CADM1: variants seen among roughly 807,000 people sequenced by gnomAD.
CADM1 encodes cell adhesion molecule 1, also known as TSLC-1.
A neutral mutation model predicts 53.1 loss-of-function variants in CADM1; 15 were observed. That is an observed-to-expected ratio of 0.28 (90% confidence interval 0.19 to 0.44). The LOEUF (loss-of-function observed/expected upper bound fraction) is 0.44. Among genes scored for constraint, CADM1 ranks in the 20% least tolerant of loss-of-function variants. The pLI, the probability that CADM1 is intolerant of heterozygous loss-of-function variation, is 1.00. For synonymous variants in CADM1, 281 were observed against 243.0 expected (o/e 1.16, Z -1.45); for missense variants, 434 against 611.3 (o/e 0.71, Z 3.06).
In CADM1 at chr11:115,260,657, T is replaced by A. The variant is rs898901126; in HGVS notation, c.125-20237A>T. On this transcript the variant is annotated intron_variant, in intron 1 of 11. Transcript: ENST00000331581. ...GAAAAAGATTCCTAAGTGCTTTTTT[T>A]AAATTTTTATTTATTTATTTTATTT... 4.6e-5 allele frequency among the ~76,000 whole-genome samples: 7 copies of A among 152,168 alleles called. No individual in the cohort carries two copies. In the East Asian group the frequency reaches 5.8e-4, roughly 13 times the overall value.
Position 115,190,869 on chromosome 11 carries a change from C to A in CADM1, c.1165+19G>T, listed in dbSNP as rs754588526. The A allele has an allele frequency of 6.3e-7, 1 of 1,590,040 alleles. No individual in the cohort carries two copies. Among genetic ancestry groups the A allele is most frequent in the Admixed American group, 1.7e-5 (1 of 59,312 alleles). Reference sequence around the variant, plus strand: ...ACAGGTTGGACACTGCAGTGCCTTACCTAATGACTAGCCCTTACCTGAGAG... The same window carrying A: ...ACAGGTTGGACACTGCAGTGCCTTAACTAATGACTAGCCCTTACCTGAGAG... On this transcript the variant is annotated intron_variant, in intron 10 of 11. Coordinates refer to ENST00000331581, the MANE Select transcript of CADM1 (RefSeq NM_001301043.2).
intron 1 of CADM1, among the ~76,000 whole-genome samples, chr11:115,392,183 C>A (rs1016184272): frequency 3.3e-5 from 5 of 152,066 alleles, no homozygotes; most frequent in Admixed American, 3.3e-4. Context: ...AAATACTATA[C>A]AATTTGTTCA....
chr11:115,251,686 T>G (rs1300050653), intron 1 of CADM1, among the ~76,000 whole-genome samples: 1 of 152,250 alleles, frequency 6.6e-6, no homozygotes, highest in African/African-American at 2.4e-5. Context: ...AGGCCCTTAT[T>G]GCTGAGTTAT....
At position 115,415,526 on chromosome 11, in the gene CADM1, C is replaced by T. The variant is rs541533992; in HGVS notation, c.124+88745G>A. Among the ~76,000 whole-genome samples the T allele has an allele frequency of 3.9e-5, 6 of 151,938 alleles. No homozygotes were observed. In the South Asian group the frequency reaches 8.3e-4, roughly 21 times the overall value. ...ACAGAACAGTTATAAAGACAAGGAA[C>T]GATTAAAATTTTTAAAAAGACTGAT... On this transcript the variant is annotated intron_variant, in intron 1 of 11. Transcript: ENST00000331581.
chr11:115,503,145 G>T (rs1949768041), intron 1 of CADM1, among the ~76,000 whole-genome samples: 1 of 152,164 alleles, frequency 6.6e-6, no homozygotes, highest in Non-Finnish European at 1.5e-5. Context: ...GCGAGGTGGC[G>T]GGAAGGGAGG....
At chr11:115,408,835 C>T (rs1947382117) in intron 1 of CADM1, among the ~76,000 whole-genome samples, 2 of 152,184 alleles carry the variant, frequency 1.3e-5, no homozygotes, top group Admixed American at 1.3e-4. Context: ...AGAAAAGTTA[C>T]ATTTTTGATA....
intron 1 of CADM1, among the ~76,000 whole-genome samples, chr11:115,280,735 G>C (rs931477757): frequency 3.3e-5 from 5 of 152,218 alleles, no homozygotes; most frequent in East Asian, 1.9e-4. Context: ...AGTCTGTTCC[G>C]AGTGGGCAGC....
intron 1 of CADM1, among the ~76,000 whole-genome samples, chr11:115,336,788 T>A (rs11215500): frequency 6.6e-6 from 1 of 152,258 alleles, no homozygotes; most frequent in East Asian, 1.9e-4. Context: ...AACTTTTTCT[T>A]AAAGAAGTGG....
rs79505566 is a variant in CADM1, at chr11:115,398,043, G to A, written c.124+106228C>T. 4.3e-3 allele frequency among the ~76,000 whole-genome samples: 656 copies of A among 152,202 alleles called. 4 individuals carry two copies. Among genetic ancestry groups the A allele is most frequent in the African/African-American group, 0.015 (634 of 41,518 alleles). On this transcript the variant is annotated intron_variant, in intron 1 of 11. Transcript: ENST00000331581. ...CCCATCCAAATCAGATGACAAGAAC[G>A]AAATCTTAATCTACTCATAAACCAG...
intron 10 of CADM1, 191 bp from the exon 11 acceptor site, chr11:115,178,966 C>T: frequency 1.5e-6 from 1 of 648,132 alleles, no homozygotes; most frequent in South Asian, 1.7e-5. Context: ...TCTGTTCTCC[C>T]CACGAGGCAA....
At chr11:115,256,850 C>T (rs758184675) in intron 1 of CADM1, 1 of 456,058 alleles carries the variant, frequency 2.2e-6, no homozygotes, top group Admixed American at 2.3e-5. Context: ...TGTCCAGATG[C>T]CTTCATTGCA....
intron 1 of CADM1, among the ~76,000 whole-genome samples, chr11:115,310,940 A>G (rs924039021): frequency 6.6e-6 from 1 of 152,188 alleles, no homozygotes; most frequent in African/African-American, 2.4e-5. Flanking sequence ...TGTTTTGTGC[A>G]AGCTTTCAGA....
intron 1 of CADM1, among the ~76,000 whole-genome samples, chr11:115,404,346 A>AATATATATATAT (rs869231204): frequency 5.9e-5 from 2 of 33,772 alleles, no homozygotes; most frequent in African/African-American, 2.7e-4. Flanking sequence ...AAAAAAAAAA[A>AATATATATATAT]ATATATATAT....
chr11:115,373,979 A>C (rs1257075092), intron 1 of CADM1, among the ~76,000 whole-genome samples: 1 of 152,198 alleles, frequency 6.6e-6, no homozygotes, highest in Non-Finnish European at 1.5e-5. Flanking sequence ...TCTTTAAGAC[A>C]ACAACAATAC....
intron 1 of CADM1, among the ~76,000 whole-genome samples, chr11:115,476,850 C>T (rs1032944690): frequency 2.0e-5 from 3 of 152,190 alleles, no homozygotes; most frequent in Non-Finnish European, 4.4e-5. Context: ...TGAGAGTTAA[C>T]AGCATGCTGA....
intron 1 of CADM1, among the ~76,000 whole-genome samples, chr11:115,382,363 G>A (rs866266478): frequency 2.0e-3 from 299 of 152,118 alleles, no homozygotes; most frequent in African/African-American, 7.0e-3. Flanking sequence ...AAATGCACAC[G>A]AGAGGTTTCC....
At chr11:115,243,649 C>T (rs1239968776) in intron 1 of CADM1, among the ~76,000 whole-genome samples, 1 of 152,178 alleles carries the variant, frequency 6.6e-6, no homozygotes, top group Non-Finnish European at 1.5e-5. Flanking sequence ...CTCACATCCT[C>T]AAATATTTCT....
chr11:115,201,768 C>T (rs1429308978), intron 8 of CADM1, among the ~76,000 whole-genome samples: 4 of 151,988 alleles, frequency 2.6e-5, no homozygotes, highest in African/African-American at 9.7e-5. Flanking sequence ...AAAAATTGAG[C>T]TGGACTTATG....
intron 10 of CADM1, among the ~76,000 whole-genome samples, chr11:115,179,407 A>G (rs34138164): frequency 0.41 from 62,198 of 151,568 alleles, 13,687 homozygotes; most frequent in Non-Finnish European, 0.5. Flanking sequence ...CATTGCCACC[A>G]ACGGTTTTTA....
Sources: gnomAD v4.1 joint callset for allele counts (sites outside exome capture counted in the v4.1 genomes callset) on GRCh38, gnomAD v4.1.1 for gene constraint, MANE v1.5 for transcripts, NCBI Gene and HGNC (gene_info 2026-07-23, HGNC 2026-07-21) for gene names.